Variants in LRP11 observed in about 807,000 individuals in gnomAD.
The protein encoded by LRP11 is low-density lipoprotein receptor-related protein 11.
In LRP11, 25 loss-of-function variants were observed where a neutral mutation model predicts 43.1. The observed-to-expected ratio is 0.58, with a 90% CI of 0.42 to 0.81. The LOEUF (loss-of-function observed/expected upper bound fraction) is 0.81. Ranked by LOEUF, LRP11 falls within the 30% of genes least tolerant of loss-of-function variation. The probability of loss-of-function intolerance (pLI) is 0.00; values close to 1 mark genes in which losing one functional copy is unlikely to be tolerated. For missense variants in LRP11, 623 were observed against 665.1 expected (o/e 0.94, Z 0.70); for synonymous variants, 316 against 299.4 (o/e 1.06, Z -0.57).
At chr6:149,843,972 T>C (rs1288945500) in intron 2 of LRP11, among the ~76,000 whole-genome samples, 1 of 152,138 alleles carries the variant, frequency 6.6e-6, no homozygotes, top group Admixed American at 6.6e-5. Context: ...AATCCATGCT[T>C]GGTTGGGCAC....
intron 5 of LRP11, among the ~76,000 whole-genome samples, chr6:149,832,832 G>A (rs1369628000): frequency 4.0e-5 from 6 of 151,042 alleles, no homozygotes; most frequent in Non-Finnish European, 7.4e-5. Context: ...TTTTTGAGAC[G>A]GAGTCTTGCT....
At chr6:149,859,396 A>ATATTTT in intron 1 of LRP11, among the ~76,000 whole-genome samples, 7 of 71,492 alleles carry the variant, frequency 9.8e-5, no homozygotes, top group Non-Finnish European at 1.6e-4. Flanking sequence ...ATATATATAT[A>ATATTTT]TTTTTTTTTT....
chr6:149,822,849 T>G (rs1235331145), intron 6 of LRP11, among the ~76,000 whole-genome samples: 1 of 152,182 alleles, frequency 6.6e-6, no homozygotes, highest in Non-Finnish European at 1.5e-5. Context: ...GGTAAGTTTA[T>G]TTTTTGACAT....
At position 149,843,003 on chromosome 6, in the gene LRP11, C is replaced by T. The variant is rs762703484; in HGVS notation, c.893G>A (p.Arg298His). 18 of 1,614,090 alleles carry T rather than the reference C, an allele frequency of 1.1e-5. No homozygotes were observed. Among genetic ancestry groups the T allele is most frequent in the Middle Eastern group, 1.6e-4 (1 of 6,084 alleles). ...CTCACCTCCTGTGGAGTAGGCTGCG[C>T]GAAGCACTGTCACTGACACGTTGTC... ...SSDNVSVTVL[R>H]AAYSTGGCLH... Residue 298 changes from arginine to histidine, a missense_variant, in exon 3 of 7, where the codon CGC becomes CAC. Arg to His is a conservative substitution (Grantham distance 29, BLOSUM62 0). Transcript: ENST00000239367.
In LRP11 at chr6:149,863,545, C is replaced by G. The variant is rs1290529845; in HGVS notation, c.476G>C (p.Gly159Ala). 2 of 1,366,970 alleles carry G rather than the reference C, an allele frequency of 1.5e-6. No individual in the cohort carries two copies. Among genetic ancestry groups the G allele is most frequent in the Admixed American group, 7.5e-5 (2 of 26,758 alleles). The allele number at this position is 1,366,970 out of a possible 1,614,324, so 84.7% of individuals were successfully genotyped here. A position where few individuals can be genotyped will look rare whatever the true frequency, so the allele number is the denominator to read the frequency against. ...RRPAPPAAVL[G>A]CYLFNCTARG... ...CGCCGTGCAGTTGAAGAGGTAGCAG[C>G]CGAGCACGGCTGCCGGGGGCGCGGG... is the stretch of plus-strand genomic sequence containing the variant. Residue 159 changes from glycine to alanine, a missense_variant, in exon 1 of 7, where the codon GGC becomes GCC. Physicochemically the swap from Gly to Ala is moderately conservative, Grantham distance 60. Coordinates refer to ENST00000239367, the MANE Select transcript of LRP11 (RefSeq NM_032832.6).
chr6:149,859,621 C>A (rs1391282114), intron 1 of LRP11, among the ~76,000 whole-genome samples: 2 of 151,744 alleles, frequency 1.3e-5, no homozygotes, highest in South Asian at 4.2e-4. Context: ...GTTTCTAACT[C>A]CTGGCCTCCA....
chr6:149,841,933 G>C (rs1776554744), intron 3 of LRP11, among the ~76,000 whole-genome samples: 1 of 152,038 alleles, frequency 6.6e-6, no homozygotes, highest in Non-Finnish European at 1.5e-5. Flanking sequence ...AAAAAATGTA[G>C]ATGTTTAGAA....
In LRP11 at chr6:149,853,174, T is replaced by C. The variant is rs1454285925; in HGVS notation, c.614-14A>G. 3 of 1,547,844 alleles carry C rather than the reference T, an allele frequency of 1.9e-6. No homozygotes were observed. Among genetic ancestry groups the C allele is most frequent in the Admixed American group, 2.1e-5 (1 of 46,746 alleles). Reference sequence around the variant, plus strand: ...GCGCATCCTTTTCTGAGAAAGAAAATAAATAATTCATAAAAGATGATTTCT... The same window carrying C: ...GCGCATCCTTTTCTGAGAAAGAAAACAAATAATTCATAAAAGATGATTTCT... On this transcript the variant is annotated splice_polypyrimidine_tract_variant and intron_variant, in intron 1 of 6. Transcript: ENST00000239367.
rs759938955 is a variant in LRP11 at position 149,837,404 on chromosome 6, T to G, written c.973A>C (p.Ile325Leu). The G allele has an allele frequency of 3.7e-6, 6 of 1,614,006 alleles. No homozygotes were observed. The African/African-American group carries it at 8.0e-5, about 22-fold the overall frequency. The change falls in exon 4 of 7, where the codon ATC becomes CTC. Residue 325 changes from isoleucine to leucine, a missense_variant. Ile to Leu is a conservative substitution (Grantham distance 5). Coordinates refer to ENST00000239367, the MANE Select transcript of LRP11 (RefSeq NM_032832.6). ...TGCACTCCATCGCAGGCGAGCGTGATGTCAATGCAGCAGCCATCGTCACAG... is the reference window on the plus strand; with the variant it reads ...TGCACTCCATCGCAGGCGAGCGTGAGGTCAATGCAGCAGCCATCGTCACAG... ...FFCDDGCCIDITLACDGVQQC... is the reference protein window; with the variant it reads ...FFCDDGCCIDLTLACDGVQQC...
In LRP11 at chr6:149,863,975, G is replaced by A. The variant is rs753559069; in HGVS notation, c.46C>T (p.Pro16Ser). ...CCGCGCAGCGCCCCGTGACGCGGCG[G>A]TAGCCGGCGCTGCGAGCCCGCGCTC... is the stretch of plus-strand genomic sequence containing the variant. ...QESAGSQRRL[P>S]PRHGALRGLL... Residue 16 changes from proline (P) to serine (S), a missense_variant, in exon 1 of 7, where the codon CCG (proline) becomes TCG (serine). Transcript: ENST00000239367. 1.4e-6 allele frequency: 2 copies of A among 1,414,366 alleles called. No individual in the cohort carries two copies. The highest frequency in any genetic ancestry group is 1.5e-5 in the South Asian group (1 of 67,664). 87.6% of individuals were successfully genotyped at this position (1,414,366 alleles called of 1,614,324 possible). A position where few individuals can be genotyped will look rare whatever the true frequency, so the allele number is the denominator to read the frequency against.
chr6:149,824,161 G>A (rs774104892), intron 6 of LRP11, among the ~76,000 whole-genome samples: 9 of 152,132 alleles, frequency 5.9e-5, no homozygotes, highest in Non-Finnish European at 1.3e-4. Flanking sequence ...GCCCCAGTCC[G>A]GGGGACTTGC....
Position 149,819,662 on chromosome 6 carries a change from C to G in LRP11, c.*887G>C, listed in dbSNP as rs1359293551. On this transcript the variant is annotated 3_prime_UTR_variant, in exon 7 of 7. Transcript: ENST00000239367. ...TACCCAGGAATCCACTCAACGTCCT[C>G]TCTTCAATTGTCGTTTTTCATCAAC... The G allele has an allele frequency of 6.6e-6, 1 of 151,972 alleles. No individual in the cohort carries two copies. The highest frequency in any genetic ancestry group is 1.5e-5 in the Non-Finnish European group (1 of 68,030). The allele number at this position is 151,972 out of a possible 1,614,324, so 9.4% of individuals were successfully genotyped here. A position where few individuals can be genotyped will look rare whatever the true frequency, so the allele number is the denominator to read the frequency against.
chr6:149,862,833 G>T lies in LRP11; in HGVS notation c.613+575C>A, dbSNP rs926241146. Among the ~76,000 whole-genome samples, 4 of 151,998 alleles carry T rather than the reference G, an allele frequency of 2.6e-5. 1 individual carries two copies. The highest frequency in any genetic ancestry group is 2.6e-4 in the Admixed American group (4 of 15,252). On this transcript the variant is annotated intron_variant, in intron 1 of 6. Coordinates refer to ENST00000239367, the MANE Select transcript of LRP11 (RefSeq NM_032832.6). ...GACCTCAGGTGATCCGCCCTCCTCG[G>T]CCTCCCAAAGTGCTGGGATTACAGG...
chr6:149,820,014 G>C lies in LRP11; in HGVS notation c.*535C>G, dbSNP rs1029153003. ...CTAAGGCTTACTGACTTGTACATAA[G>C]GTTTATAATTTAGGTATACCCACCC... is the stretch of plus-strand genomic sequence containing the variant. On this transcript the variant is annotated 3_prime_UTR_variant, in exon 7 of 7. Transcript: ENST00000239367. The C allele has an allele frequency of 6.5e-6, 1 of 153,316 alleles. No homozygotes were observed. The highest frequency in any genetic ancestry group is 2.4e-5 in the African/African-American group (1 of 41,404). The allele number at this position is 153,316 out of a possible 1,614,324, so 9.5% of individuals were successfully genotyped here.
intron 6 of LRP11, among the ~76,000 whole-genome samples, chr6:149,824,148 C>G (rs996075057): frequency 6.6e-6 from 1 of 152,204 alleles, no homozygotes; most frequent in Non-Finnish European, 1.5e-5. Context: ...ACCGCAACAC[C>G]CAGCCCCAGT....
Position 149,863,775 on chromosome 6 carries a change from G to A in LRP11, c.246C>T (p.Gly82=). 2 of 1,478,090 alleles carry A rather than the reference G, an allele frequency of 1.4e-6. No homozygotes were observed. Among genetic ancestry groups the A allele is most frequent in the South Asian group, 1.3e-5 (1 of 78,432 alleles). The allele number at this position is 1,478,090 out of a possible 1,614,324, so 91.6% of individuals were successfully genotyped here. A position where few individuals can be genotyped will look rare whatever the true frequency, so the allele number is the denominator to read the frequency against. The change falls in exon 1 of 7, where the codon GGC becomes GGT. Residue 82 remains glycine (G), a synonymous_variant. Transcript: ENST00000239367. ...QEELELELRA[G]GGPQEDCPGP... ...CCGGGCAGTCCTCCTGGGGGCCGCC[G>A]CCCGCGCGCAGCTCCAGCTCCAGCT...
Position 149,819,761 on chromosome 6 carries a change from G to A in LRP11, c.*788C>T, listed in dbSNP as rs1029376454. ...AGCAGTGTTGATTTGATGTAATGAA[G>A]TATTAAACGTTCTCCTTGCTCTCTT... On this transcript the variant is annotated 3_prime_UTR_variant, in exon 7 of 7. Coordinates refer to ENST00000239367, the MANE Select transcript of LRP11 (RefSeq NM_032832.6). 6.6e-6 allele frequency: 1 copy of A among 152,172 alleles called. No individual in the cohort carries two copies. The highest frequency in any genetic ancestry group is 2.4e-5 in the African/African-American group (1 of 41,430). 9.4% of individuals were successfully genotyped at this position (152,172 alleles called of 1,614,324 possible).
chr6:149,830,228 C>G (rs903582077), intron 5 of LRP11, among the ~76,000 whole-genome samples: 1 of 152,006 alleles, frequency 6.6e-6, no homozygotes, highest in Non-Finnish European at 1.5e-5. Flanking sequence ...CCAGGCTGGT[C>G]TCGAACTCCC....
Position 149,836,161 on chromosome 6 carries a change from A to T in LRP11, c.1176T>A (p.Pro392=), listed in dbSNP as rs1339456561. The T allele has an allele frequency of 6.2e-7, 1 of 1,614,120 alleles. No homozygotes were observed. The highest frequency in any genetic ancestry group is 8.5e-7 in the Non-Finnish European group (1 of 1,180,030). Residue 392 remains proline, a synonymous_variant, in exon 5 of 7, where the codon CCT becomes CCA. Coordinates refer to ENST00000239367, the MANE Select transcript of LRP11 (RefSeq NM_032832.6). ...SQKATAPNKP[P]ALSNTEKRNH... ...TCCTCTTCTCTGTGTTTGATAATGCAGGTGGCTTGTTTGGGGCAGTGGCTT... is the reference window on the plus strand; with the variant it reads ...TCCTCTTCTCTGTGTTTGATAATGCTGGTGGCTTGTTTGGGGCAGTGGCTT...
Sources: gnomAD v4.1 joint callset for allele counts (sites outside exome capture counted in the v4.1 genomes callset) on GRCh38, gnomAD v4.1.1 for gene constraint, MANE v1.5 for transcripts, NCBI Gene and HGNC (gene_info 2026-07-23, HGNC 2026-07-21) for gene names.